The following SOX5 variants were observed in gnomAD, a reference collection of about 807,000 sequenced individuals.
The protein encoded by SOX5 is transcription factor SOX-5.
A neutral mutation model predicts 92.0 loss-of-function variants in SOX5; 9 were observed. That is an observed-to-expected ratio of 0.10 (90% CI 0.06 to 0.17). The LOEUF is 0.17. Among genes scored for constraint, SOX5 ranks in the 10% least tolerant of loss-of-function variants. The pLI is 1.00. For missense variants in SOX5, 642 were observed against 944.5 expected (o/e 0.68, Z 4.20); for synonymous variants, 344 against 336.3 (o/e 1.02, Z -0.25).
At chr12:24,266,033 AATGTGT>A (rs1458638756) in intron 3 of SOX5, among the ~76,000 whole-genome samples, 1 of 114,104 alleles carries the variant, frequency 8.8e-6, no homozygotes, top group Non-Finnish European at 1.8e-5. Flanking sequence ...CATGCCAGCT[AATGTGT>A]GTGTGTGTGT....
chr12:23,882,570 A>G (rs1012710983), intron 2 of SOX5, among the ~76,000 whole-genome samples: 6 of 152,192 alleles, frequency 3.9e-5, no homozygotes, highest in African/African-American at 9.7e-5. Context: ...GAAGTATAGT[A>G]TATGAAGCTA....
rs80183669 is a variant in SOX5, at chr12:23,586,198, A to G, written c.1165-10360T>C. The stretch of plus-strand genomic sequence containing the variant: ...CACAAGATCACGAACCTCGAGTAAG[A>G]CAACAAGGCCACTTAATTAGCAATT... On this transcript the variant is annotated intron_variant, in intron 9 of 14. Coordinates refer to ENST00000451604, the MANE Select transcript of SOX5 (RefSeq NM_006940.6). Among the ~76,000 whole-genome samples, 1,494 of 152,206 alleles carry G rather than the reference A, an allele frequency of 9.8e-3. 114 individuals carry two copies. In the East Asian group the frequency reaches 0.21, roughly 21 times the overall value.
intron 3 of SOX5, among the ~76,000 whole-genome samples, chr12:24,251,098 G>A (rs1939949417): frequency 6.6e-6 from 1 of 152,206 alleles, no homozygotes; most frequent in Non-Finnish European, 1.5e-5. Context: ...GCAGCAACAG[G>A]CTGAGTGAGA....
chr12:23,914,135 C>T (rs373347575), intron 1 of SOX5, among the ~76,000 whole-genome samples: 1 of 152,290 alleles, frequency 6.6e-6, no homozygotes, highest in East Asian at 1.9e-4. Context: ...TAAATTAATT[C>T]ATTTCCTACA....
intron 2 of SOX5, among the ~76,000 whole-genome samples, chr12:23,859,570 T>C (rs2096731546): frequency 1.3e-5 from 2 of 152,174 alleles, no homozygotes; most frequent in South Asian, 4.1e-4. Context: ...CACCCTTGCC[T>C]TGTGATCCTG....
At chr12:23,685,385 C>A (rs534970546) in intron 6 of SOX5, among the ~76,000 whole-genome samples, 1 of 141,682 alleles carries the variant, frequency 7.1e-6, no homozygotes, top group African/African-American at 3.1e-5. Flanking sequence ...CAGAAAAGAG[C>A]TCAAACATAA....
intron 3 of SOX5, among the ~76,000 whole-genome samples, chr12:23,778,393 A>C (rs1186212774): frequency 6.6e-6 from 1 of 152,234 alleles, no homozygotes; most frequent in Non-Finnish European, 1.5e-5. Context: ...AGGAGTTTCC[A>C]TATGAATGAA....
chr12:23,586,538 C>T (rs1950773520), intron 9 of SOX5, among the ~76,000 whole-genome samples: 1 of 152,044 alleles, frequency 6.6e-6, no homozygotes, highest in Non-Finnish European at 1.5e-5. Context: ...AATTATTTGT[C>T]ACTAAAGTGA....
chr12:24,248,221 C>T (rs879937365), intron 3 of SOX5, among the ~76,000 whole-genome samples: 8 of 152,056 alleles, frequency 5.3e-5, no homozygotes, highest in Non-Finnish European at 7.4e-5. Context: ...CAGAAGAGAG[C>T]CTGATTTGGG....
chr12:24,321,923 T>G (rs138602274), intron 2 of SOX5, among the ~76,000 whole-genome samples: 59 of 152,260 alleles, frequency 3.9e-4, no homozygotes, highest in African/African-American at 1.3e-3. Flanking sequence ...AATTATTATG[T>G]TGGAAATGGC....
chr12:23,912,624 G>A (rs1157793027), intron 1 of SOX5, among the ~76,000 whole-genome samples: 2 of 152,090 alleles, frequency 1.3e-5, no homozygotes, highest in Non-Finnish European at 2.9e-5. Context: ...ACAATACGTG[G>A]CATATCCATA....
chr12:23,947,471 ACACT>A (rs1195454609), intron 1 of SOX5, among the ~76,000 whole-genome samples: 1 of 151,916 alleles, frequency 6.6e-6, no homozygotes, highest in Non-Finnish European at 1.5e-5. Flanking sequence ...GCCTATAGAG[ACACT>A]CACCCGTACA....
At chr12:23,806,540 CTG>C (rs1236700490) in intron 3 of SOX5, among the ~76,000 whole-genome samples, 1 of 142,240 alleles carries the variant, frequency 7.0e-6, no homozygotes, top group Non-Finnish European at 1.5e-5. Flanking sequence ...AAACCAAAGA[CTG>C]AGGTGCTATT....
At position 24,205,814 on chromosome 12, in the gene SOX5, C is replaced by T. The variant is rs753137993; in HGVS notation, c.-2+7529G>A. Among the ~76,000 whole-genome samples, 5 of 152,284 alleles carry T rather than the reference C, an allele frequency of 3.3e-5. No homozygotes were observed. The South Asian group carries it at 1.0e-3, about 32-fold the overall frequency. ...CGGATACATGCACACATTTATTATACCCTTGTGACTGTGGTTTACGTACAA... is the reference window on the plus strand; with the variant it reads ...CGGATACATGCACACATTTATTATATCCTTGTGACTGTGGTTTACGTACAA... On this transcript the variant is annotated intron_variant, in intron 4 of 4. Transcript: ENST00000446891.
intron 2 of SOX5, among the ~76,000 whole-genome samples, chr12:24,350,784 G>A (rs940580022): frequency 1.1e-4 from 17 of 152,142 alleles, no homozygotes; most frequent in East Asian, 1.9e-4. Context: ...TAGGTGCAGT[G>A]GTTCATGCCT....
chr12:24,265,147 C>T (rs1394034457), intron 3 of SOX5, among the ~76,000 whole-genome samples: 4 of 151,914 alleles, frequency 2.6e-5, no homozygotes, highest in African/African-American at 4.8e-5. Flanking sequence ...TTGAAATTTT[C>T]GAAAAACAAT....
At chr12:24,503,573 C>T (rs1948436428) in intron 1 of SOX5, among the ~76,000 whole-genome samples, 1 of 152,102 alleles carries the variant, frequency 6.6e-6, no homozygotes, top group South Asian at 2.1e-4. Context: ...TTGGAACCAA[C>T]CCAAATGCCC....
intron 3 of SOX5, among the ~76,000 whole-genome samples, chr12:23,818,036 T>C (rs2096030277): frequency 6.6e-6 from 1 of 152,224 alleles, no homozygotes; most frequent in South Asian, 2.1e-4. Flanking sequence ...AGAGATTTTA[T>C]ACAAGTTGTT....
chr12:24,329,241 G>A (rs1264508478), intron 2 of SOX5, among the ~76,000 whole-genome samples: 3 of 152,072 alleles, frequency 2.0e-5, no homozygotes, highest in Non-Finnish European at 2.9e-5. Flanking sequence ...CCCGAGACTC[G>A]GTAATTTATA....
Sources: allele counts gnomAD v4.1 joint callset (sites outside exome capture counted in the v4.1 genomes callset), GRCh38; gene constraint gnomAD v4.1.1; transcripts MANE v1.5; gene names NCBI Gene and HGNC (gene_info 2026-07-23, HGNC 2026-07-21).